Variants in KIF26B observed in about 807,000 individuals in gnomAD.
KIF26B encodes kinesin family member 26B, also known as kinesin-like protein KIF26B.
Under a neutral mutation model 151.2 loss-of-function variants are expected in KIF26B, and 63 were observed. The observed-to-expected ratio is 0.42, with a 90% CI of 0.34 to 0.51. The LOEUF (loss-of-function observed/expected upper bound fraction) is 0.51. Ranked by LOEUF, KIF26B falls within the 20% of genes least tolerant of loss-of-function variation. The probability of loss-of-function intolerance (pLI) is 0.07; values close to 1 mark genes in which losing one functional copy is unlikely to be tolerated. For synonymous variants in KIF26B, 1,357 were observed against 1,262.1 expected (o/e 1.08, Z -1.59); for missense variants, 2,813 against 2,913.6 (o/e 0.97, Z 0.79).
At chr1:245,473,240 C>A (rs144488909) in intron 4 of KIF26B, among the ~76,000 whole-genome samples, 1 of 152,198 alleles carries the variant, frequency 6.6e-6, no homozygotes, top group Admixed American at 6.5e-5. Flanking sequence ...TAGCTGCAAA[C>A]GCCTTTGTTT....
chr1:245,688,793 A>C lies in KIF26B; in HGVS notation c.5810A>C (p.Lys1937Thr). ...TGCCGGAGCCTCAAGACCCCGAAGA[A>C]ACGCTCCAATCCAGGTAGGCGGCTG... ...GRCRSLKTPK[K>T]RSNPGSQRRR... Residue 1937 changes from lysine to threonine, a missense_variant, in exon 12 of 15, where the codon AAA becomes ACA. Lys to Thr is a moderately conservative substitution (Grantham distance 78). Around this residue, in one of 3 missense-constraint regions of KIF26B, gnomAD observed 2,060 missense variants for 2,088.6 expected, o/e 0.99. Transcript: ENST00000407071. 1 of 1,584,428 alleles carries C rather than the reference A, an allele frequency of 6.3e-7. No individual in the cohort carries two copies. Among genetic ancestry groups the C allele is most frequent in the Non-Finnish European group, 8.6e-7 (1 of 1,162,574 alleles).
intron 4 of KIF26B, among the ~76,000 whole-genome samples, chr1:245,480,822 G>T (rs1209963438): frequency 1.3e-5 from 2 of 150,580 alleles, no homozygotes; most frequent in African/African-American, 4.9e-5. Flanking sequence ...TTAAAGTTTG[G>T]ATAGAAACCC....
rs2043825068 is a variant in KIF26B, at chr1:245,635,440, T to C, written c.2099-10681T>C. ...TGGCATAATGTTTCTTTATTATCTTTTTGATATCTGTAGGAACTTTAGATG... is the reference window on the plus strand; with the variant it reads ...TGGCATAATGTTTCTTTATTATCTTCTTGATATCTGTAGGAACTTTAGATG... On this transcript the variant is annotated intron_variant, in intron 9 of 14. Transcript: ENST00000407071. Among the ~76,000 whole-genome samples the C allele has an allele frequency of 2.0e-5, 3 of 152,320 alleles. No homozygotes were observed. The South Asian group carries it at 6.2e-4, about 32-fold the overall frequency.
chr1:245,343,532 A>G (rs1174964604), intron 2 of KIF26B, among the ~76,000 whole-genome samples: 3 of 152,208 alleles, frequency 2.0e-5, no homozygotes, highest in Admixed American at 6.5e-5. Flanking sequence ...TTCATGCTAA[A>G]TTCTTAAACT....
intron 2 of KIF26B, among the ~76,000 whole-genome samples, chr1:245,184,647 G>A (rs1031303340): frequency 1.3e-5 from 2 of 152,214 alleles, no homozygotes; most frequent in African/African-American, 4.8e-5. Flanking sequence ...TAAATATGGA[G>A]TGTTACTTCT....
Position 245,597,579 on chromosome 1 carries a change from A to T in KIF26B, c.1351-4998A>T, listed in dbSNP as rs1165294456. Among the ~76,000 whole-genome samples the T allele has an allele frequency of 6.6e-6, 1 of 151,758 alleles. No individual in the cohort carries two copies. The highest frequency in any genetic ancestry group is 1.5e-5 in the Non-Finnish European group (1 of 67,942). ...CCCATAACATTTTTCCATCATTTCAACCTTGGTGAATCTGACGATTTTGTG... is the reference window on the plus strand; with the variant it reads ...CCCATAACATTTTTCCATCATTTCATCCTTGGTGAATCTGACGATTTTGTG... On this transcript the variant is annotated intron_variant, in intron 5 of 14. Transcript: ENST00000407071. The surrounding 1 kb of genome is among the most constrained non-coding windows in gnomAD (Gnocchi z 4.6).
chr1:245,606,936 C>T lies in KIF26B; in HGVS notation c.1558-715C>T, dbSNP rs1019041139. The stretch of plus-strand genomic sequence containing the variant: ...AAAAAATTAGCCAGGCATGGTGGCA[C>T]ATGCCTGTAATCCCAGCTACTCGGG... On this transcript the variant is annotated intron_variant, in intron 6 of 14. Transcript: ENST00000407071. This position sits in a 1 kb window ranked among gnomAD's most constrained non-coding sequence, Gnocchi z 4.6. Among the ~76,000 whole-genome samples, 1 of 151,884 alleles carries T rather than the reference C, an allele frequency of 6.6e-6. No individual in the cohort carries two copies. Among genetic ancestry groups the T allele is most frequent in the Non-Finnish European group, 1.5e-5 (1 of 67,960 alleles).
intron 2 of KIF26B, among the ~76,000 whole-genome samples, chr1:245,224,478 G>A (rs1264452627): frequency 6.6e-6 from 1 of 152,194 alleles, no homozygotes; most frequent in African/African-American, 2.4e-5. Flanking sequence ...CAGTTATTCA[G>A]GTTTGCGTAT....
chr1:245,350,755 C>T (rs981327751), intron 2 of KIF26B, among the ~76,000 whole-genome samples: 6 of 152,182 alleles, frequency 3.9e-5, no homozygotes, highest in African/African-American at 9.7e-5. Context: ...GAGGAACCAC[C>T]AGACCTGCCC....
chr1:245,550,644 T>C (rs1661860024), intron 5 of KIF26B, among the ~76,000 whole-genome samples: 1 of 152,190 alleles, frequency 6.6e-6, no homozygotes, highest in Non-Finnish European at 1.5e-5. Context: ...GTGCAGTCAG[T>C]ATTGGTGGAG....
intron 3 of KIF26B, among the ~76,000 whole-genome samples, chr1:245,399,281 C>T (rs79655519): frequency 0.03 from 4,560 of 152,166 alleles, 234 homozygotes; most frequent in African/African-American, 0.11. Context: ...ATCATCCTTT[C>T]GTTCACTTGA....
At chr1:245,555,516 G>A (rs1661999740) in intron 5 of KIF26B, among the ~76,000 whole-genome samples, 1 of 152,174 alleles carries the variant, frequency 6.6e-6, no homozygotes, top group Non-Finnish European at 1.5e-5. Flanking sequence ...AGGGAGCTCA[G>A]ATGAGCGGGC....
chr1:245,160,242 A>G (rs1668510236), intron 2 of KIF26B, among the ~76,000 whole-genome samples: 1 of 152,246 alleles, frequency 6.6e-6, no homozygotes, highest in African/African-American at 2.4e-5. Flanking sequence ...TACAAAAAGT[A>G]CTTACTGGGT....
At chr1:245,343,324 C>T (rs1172751622) in intron 2 of KIF26B, among the ~76,000 whole-genome samples, 1 of 151,692 alleles carries the variant, frequency 6.6e-6, no homozygotes. Flanking sequence ...GCCTTTAATA[C>T]ATAAAAACCA....
rs77093885 is a variant in KIF26B at position 245,489,012 on chromosome 1, A to C, written c.1167-51755A>C. 2.6e-5 allele frequency among the ~76,000 whole-genome samples: 4 copies of C among 152,188 alleles called. No individual in the cohort carries two copies. The East Asian group carries it at 7.7e-4, about 29-fold the overall frequency. ...ACTCTCTAGGCTCCGGTACTCTAGA[A>C]TCCCTTACAGTGGATTTGCATGGAC... On this transcript the variant is annotated intron_variant, in intron 4 of 14. Coordinates refer to ENST00000407071, the MANE Select transcript of KIF26B (RefSeq NM_018012.4).
chr1:245,688,871 C>T (rs555303495), intron 12 of KIF26B, 64 bp downstream of exon 12: 2 of 1,495,086 alleles, frequency 1.3e-6, no homozygotes, highest in African/African-American at 1.4e-5. Context: ...GCCCAAACCC[C>T]ACTGCCAGGG....
chr1:245,420,441 A>G (rs1336391153), intron 4 of KIF26B, among the ~76,000 whole-genome samples: 1 of 152,198 alleles, frequency 6.6e-6, no homozygotes, highest in Non-Finnish European at 1.5e-5. Flanking sequence ...GAGGACCAGG[A>G]AGGTTCAACT....
intron 4 of KIF26B, among the ~76,000 whole-genome samples, chr1:245,431,419 A>G (rs1658778163): frequency 6.7e-6 from 1 of 148,180 alleles, no homozygotes; most frequent in African/African-American, 2.5e-5. Context: ...ATCTCGGCTC[A>G]CTGCAACCTC....
intron 2 of KIF26B, among the ~76,000 whole-genome samples, chr1:245,317,575 A>G (rs1461021056): frequency 6.6e-6 from 1 of 152,238 alleles, no homozygotes; most frequent in East Asian, 1.9e-4. Flanking sequence ...ATGCCGCTGA[A>G]TGATGATGAA....
Sources: allele counts gnomAD v4.1 joint callset (sites outside exome capture counted in the v4.1 genomes callset), GRCh38; gene constraint gnomAD v4.1.1; regional missense constraint gnomAD v4.1.1; non-coding constraint Gnocchi (gnomAD v3.1); transcripts MANE v1.5; gene names NCBI Gene and HGNC (gene_info 2026-07-23, HGNC 2026-07-21).